COMMD4: variants seen among roughly 807,000 people sequenced by gnomAD.
The protein encoded by COMMD4 is COMM domain-containing protein 4.
COMMD4 carries 18 observed loss-of-function variants against 27.5 expected under a neutral mutation model. That is an observed-to-expected ratio of 0.65 (90% CI 0.45 to 0.97). COMMD4 has a LOEUF of 0.97. Among genes scored for constraint, COMMD4 ranks in the 50% least tolerant of loss-of-function variants. The probability of loss-of-function intolerance (pLI) is 0.00; values close to 1 mark genes in which losing one functional copy is unlikely to be tolerated. For missense variants in COMMD4, 243 were observed against 250.0 expected, an observed-to-expected ratio of 0.97 and a Z score of 0.19; for synonymous variants, 108 against 108.4, an observed-to-expected ratio of 1.00 and a Z score of 0.02.
chr15:75,340,012 G>A lies in COMMD4; in HGVS notation c.*7G>A. On this transcript the variant is annotated 3_prime_UTR_variant, in exon 8 of 8. Transcript: ENST00000267935. Reference sequence around the variant, plus strand: ...GATGAGCTCCCTGGGCTGAGGAGAAGGGTGTTCCAGGCCTGTGTGGAGCCG... The same window carrying A: ...GATGAGCTCCCTGGGCTGAGGAGAAAGGTGTTCCAGGCCTGTGTGGAGCCG... 2 of 1,613,978 alleles carry A rather than the reference G, an allele frequency of 1.2e-6. No homozygotes were observed. The highest frequency in any genetic ancestry group is 1.7e-6 in the Non-Finnish European group (2 of 1,179,926).
chr15:75,338,508 G>A (rs2071306441), intron 3 of COMMD4, 88 bp downstream of exon 3: 6 of 1,576,942 alleles, frequency 3.8e-6, no homozygotes, highest in Non-Finnish European at 1.7e-6. Flanking sequence ...GGAGACGGGT[G>A]AGCCAGCCTC....
chr15:75,338,399 G>A lies in COMMD4; in HGVS notation c.120G>A (p.Glu40=). 1.2e-6 allele frequency: 2 copies of A among 1,601,530 alleles called. No individual in the cohort carries two copies. The highest frequency in any genetic ancestry group is 1.3e-5 in the African/African-American group (1 of 74,856). Residue 40 remains glutamate (E), a synonymous_variant, in exon 3 of 8, where the codon GAG becomes GAA. Transcript: ENST00000267935. ...LRLLCSQVLK[E]LLGQGIDYEK... is the part of the protein sequence containing the mutation. ...TGCTCTGCAGCCAGGTACTAAAGGA[G>A]CTGCTGGGACAGGGGATTGATGTGA...
intron 6 of COMMD4, 174 bp downstream of exon 6, chr15:75,339,518 G>T: frequency 8.6e-7 from 1 of 1,163,750 alleles, no homozygotes; most frequent in South Asian, 1.5e-5. Flanking sequence ...TTGTCACTGA[G>T]GTCTGCTGTG....
At position 75,339,062 on chromosome 15, in the gene COMMD4, G is replaced by A. The variant is rs368696939; in HGVS notation, c.259G>A (p.Glu87Lys). The change falls in exon 5 of 8, where the codon GAA becomes AAA. Residue 87 changes from glutamate to lysine, a missense_variant. Coordinates refer to ENST00000267935, the MANE Select transcript of COMMD4 (RefSeq NM_017828.5). ...TGCGGCCAAGCACAGTGTCGATGGC[G>A]AATCCTTGTCCAGTGAACTGCAGCA... Reference protein sequence around the residue: ...SSAAKHSVDGESLSSELQQLG... With the variant: ...SSAAKHSVDGKSLSSELQQLG... 50 of 1,613,216 alleles carry A rather than the reference G, an allele frequency of 3.1e-5. No homozygotes were observed. The highest frequency in any genetic ancestry group is 2.3e-4 in the East Asian group (10 of 44,340).
Position 75,340,162 on chromosome 15 carries a change from G to T in COMMD4, c.*157G>T. Reference sequence around the variant, plus strand: ...CCCAGCTGCCTCACTTCTCTCTTGAGAACTTGGCTCAGGGCTCCTGAGGAC... The same window carrying T: ...CCCAGCTGCCTCACTTCTCTCTTGATAACTTGGCTCAGGGCTCCTGAGGAC... On this transcript the variant is annotated 3_prime_UTR_variant, in exon 8 of 8. Transcript: ENST00000267935. 1.2e-6 allele frequency: 1 copy of T among 812,358 alleles called. No homozygotes were observed. The highest frequency in any genetic ancestry group is 1.9e-6 in the Non-Finnish European group (1 of 524,174). The allele number at this position is 812,358 out of a possible 1,614,324, so 50.3% of individuals were successfully genotyped here.
chr15:75,337,614 A>G (rs1171873396), intron 1 of COMMD4: 1 of 164,060 alleles, frequency 6.1e-6, no homozygotes, highest in Non-Finnish European at 1.3e-5. Context: ...AAAGGATAGC[A>G]AGCCACACAG....
At chr15:75,338,942 G>A (rs1301083227) in intron 4 of COMMD4, 43 bp from the exon 5 acceptor site, 8 of 1,613,646 alleles carry the variant, frequency 5.0e-6, no homozygotes, top group Non-Finnish European at 6.8e-6. Context: ...GGAGGTGGCT[G>A]GACCCACAGT....
At chr15:75,339,479 C>T in intron 6 of COMMD4, 135 bp downstream of exon 6, 2 of 1,380,080 alleles carry the variant, frequency 1.4e-6, no homozygotes, top group Non-Finnish European at 2.0e-6. Flanking sequence ...GGACCTGGCC[C>T]TGGGTCTCCT....
chr15:75,338,371 G>A lies in COMMD4; in HGVS notation c.92G>A (p.Arg31Gln), dbSNP rs1331319194. 40 of 1,596,418 alleles carry A rather than the reference G, an allele frequency of 2.5e-5. No homozygotes were observed. Among genetic ancestry groups the A allele is most frequent in the Admixed American group, 5.2e-5 (3 of 57,468 alleles). ...TLAKMSSVKL[R>Q]LLCSQVLKEL... The stretch of plus-strand genomic sequence containing the variant: ...CCCTTCCAGTCCTCTGTGAAGTTGC[G>A]GCTGCTCTGCAGCCAGGTACTAAAG... Residue 31 changes from arginine (R) to glutamine (Q), a missense_variant, in exon 3 of 8, where the codon CGG becomes CAG. Arg to Gln is a conservative substitution (Grantham distance 43). Transcript: ENST00000267935.
Position 75,338,460 on chromosome 15 carries a change from A to C in COMMD4, c.141+40A>C, listed in dbSNP as rs183675674. The C allele has an allele frequency of 1.8e-4, 293 of 1,606,854 alleles. 1 individual carries two copies. In the East Asian group the frequency reaches 5.2e-3, roughly 29 times the overall value. Reference sequence around the variant, plus strand: ...CAGCACCCCATTGTCCCATGACCTTATGACCACCACTGCCCTGAAACTCTG... The same window carrying C: ...CAGCACCCCATTGTCCCATGACCTTCTGACCACCACTGCCCTGAAACTCTG... On this transcript the variant is annotated intron_variant, in intron 3 of 7. Coordinates refer to ENST00000267935, the MANE Select transcript of COMMD4 (RefSeq NM_017828.5).
Position 75,339,370 on chromosome 15 carries a change from G to A in COMMD4, c.382+26G>A, listed in dbSNP as rs375538510. On this transcript the variant is annotated intron_variant, in intron 6 of 7. Coordinates refer to ENST00000267935, the MANE Select transcript of COMMD4 (RefSeq NM_017828.5). ...GTAAGTATGAGGCCAGCCAGGGTCCGGGCTCATTCTAGAAGGTGCACGCAG... is the reference window on the plus strand; with the variant it reads ...GTAAGTATGAGGCCAGCCAGGGTCCAGGCTCATTCTAGAAGGTGCACGCAG... The A allele has an allele frequency of 4.7e-5, 75 of 1,606,414 alleles. No individual in the cohort carries two copies. In the African/African-American group the frequency reaches 5.2e-4, roughly 11 times the overall value.
downstream of COMMD4, chr15:75,341,289 C>T (rs557447049): frequency 6.6e-6 from 1 of 152,532 alleles, no homozygotes; most frequent in South Asian, 2.1e-4. Flanking sequence ...AGGACTGGCC[C>T]AGACCAGCCA....
Position 75,336,088 on chromosome 15 carries a change from C to A in COMMD4, c.-2C>A. 2 of 1,549,714 alleles carry A rather than the reference C, an allele frequency of 1.3e-6. No homozygotes were observed. The highest frequency in any genetic ancestry group is 1.7e-6 in the Non-Finnish European group (2 of 1,146,818). ...ATTCCCGGGCCCTGGCTTCTTGGCGCGATGGTGAGGCACTAGGGGCGAAGC... is the reference window on the plus strand; with the variant it reads ...ATTCCCGGGCCCTGGCTTCTTGGCGAGATGGTGAGGCACTAGGGGCGAAGC... On this transcript the variant is annotated 5_prime_UTR_variant, in exon 1 of 8. Transcript: ENST00000267935.
downstream of COMMD4, among the ~76,000 whole-genome samples, chr15:75,340,505 CT>C (rs1385108374): frequency 1.3e-5 from 2 of 152,210 alleles, no homozygotes; most frequent in Non-Finnish European, 2.9e-5. Flanking sequence ...TCTTTGCCCC[CT>C]GGCCATGTCC....
chr15:75,340,038 C>T lies in COMMD4; in HGVS notation c.*33C>T. The T allele has an allele frequency of 6.2e-7, 1 of 1,612,546 alleles. No homozygotes were observed. Among genetic ancestry groups the T allele is most frequent in the Non-Finnish European group, 8.5e-7 (1 of 1,179,292 alleles). On this transcript the variant is annotated 3_prime_UTR_variant, in exon 8 of 8. Transcript: ENST00000267935. ...GGTGTTCCAGGCCTGTGTGGAGCCG[C>T]CCTGCCCGTATGGAGTCACGCCCTC... is the stretch of plus-strand genomic sequence containing the variant.
chr15:75,338,833 C>A, intron 4 of COMMD4, 148 bp downstream of exon 4: 1 of 1,420,872 alleles, frequency 7.0e-7, no homozygotes, highest in South Asian at 1.2e-5. Context: ...GACCGACAGT[C>A]CCACCTTCCT....
intron 4 of COMMD4, 45 bp downstream of exon 4, chr15:75,338,730 C>A: frequency 6.2e-7 from 1 of 1,600,914 alleles, no homozygotes; most frequent in African/African-American, 1.3e-5. Context: ...ACCCTGGGAA[C>A]TTGGCCTGGT....
chr15:75,339,440 T>C (rs759068236), intron 6 of COMMD4, 96 bp downstream of exon 6: 14 of 1,511,650 alleles, frequency 9.3e-6, no homozygotes, highest in Non-Finnish European at 1.3e-5. Context: ...TTAACCACGG[T>C]CACATGGTTA....
At chr15:75,339,511 T>A in intron 6 of COMMD4, 167 bp downstream of exon 6, 1 of 1,184,140 alleles carries the variant, frequency 8.4e-7, no homozygotes, top group Non-Finnish European at 1.2e-6. Context: ...AGGTTTCTTG[T>A]CACTGAGGTC....
Sources: allele counts gnomAD v4.1 joint callset (sites outside exome capture counted in the v4.1 genomes callset), GRCh38; gene constraint gnomAD v4.1.1; transcripts MANE v1.5; gene names NCBI Gene and HGNC (gene_info 2026-07-23, HGNC 2026-07-21).